PLCB1: variants seen among roughly 807,000 people sequenced by gnomAD.
PLCB1 encodes the protein phospholipase C beta 1, also known as 1-phosphatidylinositol 4,5-bisphosphate phosphodiesterase beta-1.
PLCB1 carries 46 observed loss-of-function variants against 161.8 expected under a neutral mutation model. The observed-to-expected ratio is 0.28, with a 90% CI of 0.22 to 0.36. The LOEUF is 0.36. Ranked by LOEUF, PLCB1 falls within the 10% of genes least tolerant of loss-of-function variation. The probability of loss-of-function intolerance (pLI) is 1.00; values close to 1 mark genes in which losing one functional copy is unlikely to be tolerated. For synonymous variants in PLCB1, 517 were observed against 503.7 expected (o/e 1.03, Z -0.35); for missense variants, 1,016 against 1,472.5 (o/e 0.69, Z 5.07).
intron 3 of PLCB1, among the ~76,000 whole-genome samples, chr20:8,374,575 A>G (rs1488251710): frequency 6.6e-6 from 1 of 152,192 alleles, no homozygotes; most frequent in African/African-American, 2.4e-5. Context: ...CCTATCAGAG[A>G]ATTGTATCAG....
At chr20:8,594,687 A>G (rs1255835712) in intron 3 of PLCB1, among the ~76,000 whole-genome samples, 1 of 143,886 alleles carries the variant, frequency 6.9e-6, no homozygotes, top group African/African-American at 2.5e-5. Context: ...TGAGGAAACC[A>G]AAAAAAAAAA....
At chr20:8,157,700 A>G (rs1387642243) in intron 2 of PLCB1, among the ~76,000 whole-genome samples, 1 of 152,212 alleles carries the variant, frequency 6.6e-6, no homozygotes, top group Non-Finnish European at 1.5e-5. Flanking sequence ...TTCTTCTTAG[A>G]GGATGTGATG....
intron 3 of PLCB1, among the ~76,000 whole-genome samples, chr20:8,486,143 C>T (rs1568694756): frequency 6.6e-6 from 1 of 152,124 alleles, no homozygotes; most frequent in Non-Finnish European, 1.5e-5. Flanking sequence ...CCCCATGATC[C>T]AATTACCTCC....
At chr20:8,533,507 A>C (rs1984908724) in intron 3 of PLCB1, among the ~76,000 whole-genome samples, 1 of 152,108 alleles carries the variant, frequency 6.6e-6, no homozygotes, top group South Asian at 2.1e-4. Context: ...CTATTTCTCC[A>C]CATCCTCTCC....
chr20:8,810,685 C>T (rs943108869), intron 31 of PLCB1, among the ~76,000 whole-genome samples: 10 of 152,038 alleles, frequency 6.6e-5, no homozygotes, highest in Non-Finnish European at 1.5e-5. Context: ...TGGTAGAGGC[C>T]GGGCATGGTG....
chr20:8,228,995 T>A (rs977021418), intron 2 of PLCB1, among the ~76,000 whole-genome samples: 6 of 152,080 alleles, frequency 3.9e-5, no homozygotes, highest in African/African-American at 1.4e-4. Context: ...ATTCCTTTCA[T>A]CTAGCTGTAA....
intron 2 of PLCB1, among the ~76,000 whole-genome samples, chr20:8,236,531 T>C (rs543313304): frequency 2.0e-5 from 3 of 152,058 alleles, no homozygotes; most frequent in Admixed American, 6.6e-5. Context: ...AGACCCCATC[T>C]CAAAATATTA....
At chr20:8,475,574 A>T (rs1982241432) in intron 3 of PLCB1, among the ~76,000 whole-genome samples, 1 of 152,240 alleles carries the variant, frequency 6.6e-6, no homozygotes, top group Non-Finnish European at 1.5e-5. Context: ...GTTGAAACAC[A>T]AATGTAACTT....
chr20:8,601,247 G>A (rs1003185746), intron 3 of PLCB1, among the ~76,000 whole-genome samples: 1 of 152,198 alleles, frequency 6.6e-6, no homozygotes, highest in Non-Finnish European at 1.5e-5. Flanking sequence ...AAGTTCAGGG[G>A]TATATGCGCA....
At chr20:8,644,323 C>G (rs1194500560) in intron 4 of PLCB1, among the ~76,000 whole-genome samples, 1 of 149,754 alleles carries the variant, frequency 6.7e-6, no homozygotes, top group East Asian at 2.0e-4. Context: ...CGTCTCTGCC[C>G]GGCCGCCATC....
At chr20:8,643,357 C>T (rs990612679) in intron 4 of PLCB1, among the ~76,000 whole-genome samples, 1 of 152,100 alleles carries the variant, frequency 6.6e-6, no homozygotes, top group African/African-American at 2.4e-5. Context: ...GTCGCAACCC[C>T]CTCCCTCTTT....
chr20:8,756,331 C>T (rs1981736024), intron 23 of PLCB1, among the ~76,000 whole-genome samples: 1 of 152,096 alleles, frequency 6.6e-6, no homozygotes, highest in African/African-American at 2.4e-5. Context: ...GTGAACTGCC[C>T]AAAATCACAC....
chr20:8,270,613 C>G (rs990573720), intron 2 of PLCB1, among the ~76,000 whole-genome samples: 14 of 152,000 alleles, frequency 9.2e-5, no homozygotes, highest in Non-Finnish European at 1.5e-5. Context: ...AGTCAATATA[C>G]TGATTAATCT....
At chr20:8,540,560 C>A (rs1985269777) in intron 3 of PLCB1, among the ~76,000 whole-genome samples, 2 of 152,134 alleles carry the variant, frequency 1.3e-5, no homozygotes, top group South Asian at 2.1e-4. Context: ...TCACACAAAC[C>A]TTCCTGCCAA....
At chr20:8,210,500 G>A (rs1459850326) in intron 2 of PLCB1, among the ~76,000 whole-genome samples, 3 of 152,092 alleles carry the variant, frequency 2.0e-5, no homozygotes, top group Admixed American at 2.0e-4. Context: ...TTATTTACCA[G>A]CATTGGAGTC....
intron 3 of PLCB1, among the ~76,000 whole-genome samples, chr20:8,450,260 AC>A (rs377149898): frequency 1.1e-4 from 16 of 152,298 alleles, no homozygotes; most frequent in African/African-American, 3.6e-4. Context: ...GAAAAATTTC[AC>A]ACGAAGTCTC....
chr20:8,733,297 T>C lies in PLCB1; in HGVS notation c.1948T>C (p.Leu650=). The change falls in exon 19 of 32, where the codon TTG becomes CTG. Residue 650 remains leucine, a synonymous_variant. Coordinates refer to ENST00000338037, the MANE Select transcript of PLCB1 (RefSeq NM_015192.4). ...ATACAACGGGAAGAGTGGCTACAGATTGAAGCCAGAGTTCATGAGGAGGCC... is the reference window on the plus strand; with the variant it reads ...ATACAACGGGAAGAGTGGCTACAGACTGAAGCCAGAGTTCATGAGGAGGCC... The part of the protein sequence containing the change: ...YEYNGKSGYR[L]KPEFMRRPDK... 1 of 1,613,362 alleles carries C rather than the reference T, an allele frequency of 6.2e-7. No homozygotes were observed. The highest frequency in any genetic ancestry group is 2.2e-5 in the East Asian group (1 of 44,844).
intron 2 of PLCB1, among the ~76,000 whole-genome samples, chr20:8,180,728 A>G (rs1290518493): frequency 2.0e-5 from 3 of 152,206 alleles, no homozygotes; most frequent in Non-Finnish European, 4.4e-5. Flanking sequence ...ACTCAGAAGA[A>G]TATATGCCAT....
intron 2 of PLCB1, among the ~76,000 whole-genome samples, chr20:8,258,056 T>G (rs1486733460): frequency 6.6e-6 from 1 of 152,192 alleles, no homozygotes; most frequent in Non-Finnish European, 1.5e-5. Context: ...ATTACCTAGA[T>G]TTACTCAAGT....
Sources: allele counts gnomAD v4.1 joint callset (sites outside exome capture counted in the v4.1 genomes callset), GRCh38; gene constraint gnomAD v4.1.1; transcripts MANE v1.5; gene names NCBI Gene and HGNC (gene_info 2026-07-23, HGNC 2026-07-21).